STARD13: variants seen among roughly 807,000 people sequenced by gnomAD.
STARD13 encodes stAR-related lipid transfer protein 13.
In STARD13, 62 loss-of-function variants were observed where a neutral mutation model predicts 106.4. That is an observed-to-expected ratio of 0.58 (90% CI 0.48 to 0.72). STARD13 has a LOEUF of 0.72. Among genes scored for constraint, STARD13 ranks in the 30% least tolerant of loss-of-function variants. The pLI, the probability that STARD13 is intolerant of heterozygous loss-of-function variation, is 0.00. For synonymous variants in STARD13, 565 were observed against 553.0 expected (o/e 1.02, Z -0.31); for missense variants, 1,387 against 1,424.0 (o/e 0.97, Z 0.42).
At chr13:33,521,019 G>A in the STARD13 span, among the ~76,000 whole-genome samples, 1 of 152,090 alleles carries the variant, frequency 6.6e-6, no homozygotes, top group African/African-American at 2.4e-5. Flanking sequence ...GGATAGATAA[G>A]CATTACTCAG....
the STARD13 span, among the ~76,000 whole-genome samples, chr13:33,504,461 C>T: frequency 1.2e-4 from 18 of 151,888 alleles, no homozygotes; most frequent in African/African-American, 4.8e-5. Context: ...TGTAGGGACA[C>T]GGATGAAACT....
the STARD13 span, among the ~76,000 whole-genome samples, chr13:33,391,225 G>A: frequency 6.6e-6 from 1 of 152,134 alleles, no homozygotes; most frequent in Non-Finnish European, 1.5e-5. Flanking sequence ...TGTGCTCTAG[G>A]TAGTGAAAAG....
At chr13:33,581,816 A>G in the STARD13 span, among the ~76,000 whole-genome samples, 1 of 152,262 alleles carries the variant, frequency 6.6e-6, no homozygotes, top group South Asian at 2.1e-4. Context: ...GTGAATATAT[A>G]CTCCTAAACT....
At chr13:33,293,163 A>G (rs991806246) in intron 1 of STARD13, among the ~76,000 whole-genome samples, 1 of 152,132 alleles carries the variant, frequency 6.6e-6, no homozygotes, top group African/African-American at 2.4e-5. Context: ...ATTGGTTCCT[A>G]TAGCCCCTCT....
rs550461727 is a variant in STARD13 at position 33,317,032 on chromosome 13, C to G, written c.124+33258G>C. ...TTCCTGATTTTCCTGCCATCTCAGT[C>G]TCCTTTGAGACATTCTTCCCTTGCT... On this transcript the variant is annotated intron_variant, in intron 1 of 5. Coordinates refer to the STARD13 transcript ENST00000567873. Among the ~76,000 whole-genome samples, 3 of 152,282 alleles carry G rather than the reference C, an allele frequency of 2.0e-5. No homozygotes were observed. The East Asian group carries it at 5.8e-4, about 29-fold the overall frequency.
At chr13:33,502,553 C>T in the STARD13 span, among the ~76,000 whole-genome samples, 12 of 152,104 alleles carry the variant, frequency 7.9e-5, no homozygotes, top group African/African-American at 1.7e-4. Flanking sequence ...TTTTGAGATA[C>T]GTCCCATCAA....
At chr13:33,379,492 A>G in the STARD13 span, among the ~76,000 whole-genome samples, 2 of 152,218 alleles carry the variant, frequency 1.3e-5, no homozygotes, top group Non-Finnish European at 2.9e-5. Context: ...CTCTGATTTG[A>G]CATTTAATAG....
chr13:33,214,621 T>C (rs972046864), intron 1 of STARD13, among the ~76,000 whole-genome samples: 1 of 151,834 alleles, frequency 6.6e-6, no homozygotes, highest in Non-Finnish European at 1.5e-5. Context: ...GACCTTAGCT[T>C]TTAATAAATC....
At chr13:33,106,348 G>A (rs537218442) in intron 13 of STARD13, among the ~76,000 whole-genome samples, 1 of 152,342 alleles carries the variant, frequency 6.6e-6, no homozygotes, top group South Asian at 2.1e-4. Context: ...CTGAGCCCAG[G>A]AGGTGGAGGT....
Position 33,132,444 on chromosome 13 carries a change from G to C in STARD13, c.388-2155C>G, listed in dbSNP as rs146771991. On this transcript the variant is annotated intron_variant, in intron 4 of 13. Coordinates refer to ENST00000336934, the MANE Select transcript of STARD13 (RefSeq NM_178006.4). ...TTCTCTCTTGTCTGCCGCCATGTAA[G>C]ATGTACCTTTTGCCTTCCACCATGA... Among the ~76,000 whole-genome samples the C allele has an allele frequency of 1.9e-3, 283 of 152,304 alleles. 4 individuals are homozygous for C. Among genetic ancestry groups the C allele is most frequent in the Admixed American group, 0.015 (233 of 15,296 alleles).
chr13:33,198,349 T>TG (rs1298889282), intron 1 of STARD13, among the ~76,000 whole-genome samples: 1 of 152,106 alleles, frequency 6.6e-6, no homozygotes, highest in Non-Finnish European at 1.5e-5. Context: ...CTAGTCAACT[T>TG]GTGAGCATCC....
intron 1 of STARD13, among the ~76,000 whole-genome samples, chr13:33,301,568 CTTTTTT>C (rs11393186): frequency 2.8e-5 from 2 of 72,068 alleles, no homozygotes; most frequent in African/African-American, 4.8e-5. Context: ...CTTTTTTTTT[CTTTTTT>C]TTTTTTTTTT....
intron 1 of STARD13, among the ~76,000 whole-genome samples, chr13:33,177,945 AAGGAAGGAAAGG>A (rs1884819278): frequency 2.1e-4 from 2 of 9,686 alleles, no homozygotes; most frequent in African/African-American, 6.4e-4. Context: ...GGAAGGAAGG[AAGGAAGGAAAGG>A]AAGGAAGGAA....
upstream of STARD13, chr13:33,350,737 CT>C (rs2078070516): frequency 1.1e-6 from 1 of 944,994 alleles, no homozygotes; most frequent in East Asian, 7.7e-5. Context: ...TGCCCTCCCC[CT>C]GGCTGCCTCG....
chr13:33,499,594 CTT>C, the STARD13 span, among the ~76,000 whole-genome samples: 9 of 60,856 alleles, frequency 1.5e-4, no homozygotes, highest in South Asian at 6.6e-4. Flanking sequence ...TCTTCTTCTT[CTT>C]CTTCTTCTTT....
intron 1 of STARD13, among the ~76,000 whole-genome samples, chr13:33,311,509 C>T (rs1398665666): frequency 6.6e-6 from 1 of 152,224 alleles, no homozygotes. Context: ...TACTTAATCT[C>T]TCTGAGCTTC....
At chr13:33,599,513 G>A in the STARD13 span, among the ~76,000 whole-genome samples, 2 of 152,172 alleles carry the variant, frequency 1.3e-5, no homozygotes, top group Non-Finnish European at 1.5e-5. Context: ...GAGCTTAGGT[G>A]AAGTGAATTG....
chr13:33,582,538 C>G, the STARD13 span, among the ~76,000 whole-genome samples: 1 of 152,278 alleles, frequency 6.6e-6, no homozygotes, highest in East Asian at 1.9e-4. Flanking sequence ...GTGAGTATAT[C>G]TACGAATACC....
At chr13:33,170,218 G>A (rs2138388606) in intron 1 of STARD13, among the ~76,000 whole-genome samples, 1 of 152,250 alleles carries the variant, frequency 6.6e-6, no homozygotes, top group East Asian at 1.9e-4. Context: ...TATTCTCCAT[G>A]ATGTAATGAG....
Sources: gnomAD v4.1 joint callset for allele counts (sites outside exome capture counted in the v4.1 genomes callset) on GRCh38, gnomAD v4.1.1 for gene constraint, MANE v1.5 for transcripts, NCBI Gene and HGNC (gene_info 2026-07-23, HGNC 2026-07-21) for gene names.